KIF6: variants seen among roughly 807,000 people sequenced by gnomAD.
KIF6 encodes kinesin-like protein KIF6.
A neutral mutation model predicts 112.7 loss-of-function variants in KIF6; 106 were observed. That is an observed-to-expected ratio of 0.94 (90% CI 0.80 to 1.11). The LOEUF is 1.11. KIF6 is among the 50% of genes least tolerant of loss of function. The pLI is 0.00. For missense variants in KIF6, 929 were observed against 964.0 expected, an observed-to-expected ratio of 0.96 and a Z score of 0.48; for synonymous variants, 339 against 339.9, an observed-to-expected ratio of 1.00 and a Z score of 0.03.
intron 3 of KIF6, among the ~76,000 whole-genome samples, chr6:39,711,101 AT>A (rs962285946): frequency 1.2e-4 from 18 of 150,358 alleles, no homozygotes; most frequent in African/African-American, 4.1e-4. Context: ...AAAAGAAAGA[AT>A]TTTTTTTAAT....
intron 13 of KIF6, among the ~76,000 whole-genome samples, chr6:39,466,271 C>T (rs1164306147): frequency 6.6e-6 from 1 of 152,164 alleles, no homozygotes; most frequent in Non-Finnish European, 1.5e-5. Flanking sequence ...TTCCTTCAAA[C>T]ACCGGCTGCC....
chr6:39,371,054 T>C (rs969636792), intron 16 of KIF6, among the ~76,000 whole-genome samples: 2 of 152,292 alleles, frequency 1.3e-5, no homozygotes. Flanking sequence ...AAAAAAGCCC[T>C]GATTTTCAGT....
At chr6:39,589,624 T>A (rs564193196) in intron 7 of KIF6, among the ~76,000 whole-genome samples, 2 of 151,976 alleles carry the variant, frequency 1.3e-5, no homozygotes, top group Non-Finnish European at 2.9e-5. Context: ...CTATGTGGGG[T>A]TTGGAGGTGA....
At chr6:39,697,541 C>CTTTTTT (rs35838361) in intron 3 of KIF6, among the ~76,000 whole-genome samples, 2 of 131,478 alleles carry the variant, frequency 1.5e-5, no homozygotes, top group African/African-American at 2.8e-5. Flanking sequence ...TTTATCCTTT[C>CTTTTTT]TTTTTTTTTT....
chr6:39,586,630 T>C (rs1214212065), intron 7 of KIF6, among the ~76,000 whole-genome samples: 1 of 152,222 alleles, frequency 6.6e-6, no homozygotes, highest in Non-Finnish European at 1.5e-5. Flanking sequence ...GTGAGCCCCA[T>C]AATTTTTGGA....
intron 5 of KIF6, among the ~76,000 whole-genome samples, chr6:39,626,091 C>A (rs1298176518): frequency 6.6e-6 from 1 of 152,112 alleles, no homozygotes; most frequent in Non-Finnish European, 1.5e-5. Context: ...AGGTTGGAGA[C>A]CATAATGTGG....
chr6:39,463,941 G>A (rs754546773), intron 13 of KIF6, among the ~76,000 whole-genome samples: 2 of 152,036 alleles, frequency 1.3e-5, no homozygotes, highest in East Asian at 1.9e-4. Flanking sequence ...AATTTACCTC[G>A]GGTAATCTCC....
chr6:39,407,077 C>G (rs961999438), intron 15 of KIF6, among the ~76,000 whole-genome samples: 15 of 152,078 alleles, frequency 9.9e-5, no homozygotes, highest in Admixed American at 9.8e-4. Context: ...TGGATCATAT[C>G]CAGAACATGT....
intron 21 of KIF6, among the ~76,000 whole-genome samples, chr6:39,345,055 A>G (rs536690719): frequency 6.6e-6 from 1 of 152,312 alleles, no homozygotes; most frequent in East Asian, 1.9e-4. Flanking sequence ...AGAGCAGTAC[A>G]CTTGCCTGGC....
intron 13 of KIF6, among the ~76,000 whole-genome samples, chr6:39,449,412 A>C (rs57013484): frequency 0.15 from 23,186 of 152,134 alleles, 2,291 homozygotes; most frequent in African/African-American, 0.27. Flanking sequence ...TCAGCTGCTC[A>C]ACTATGGAAG....
intron 13 of KIF6, among the ~76,000 whole-genome samples, chr6:39,520,599 G>T (rs1241015638): frequency 1.3e-5 from 2 of 152,242 alleles, no homozygotes; most frequent in Admixed American, 6.5e-5. Context: ...GAATCAGAAA[G>T]TGAGGAACCA....
At chr6:39,696,206 G>A (rs1788528042) in intron 3 of KIF6, among the ~76,000 whole-genome samples, 3 of 152,098 alleles carry the variant, frequency 2.0e-5, no homozygotes, top group East Asian at 3.9e-4. Flanking sequence ...TTCACTGCTT[G>A]GGCAATGGAA....
At chr6:39,423,072 C>T (rs144959016) in intron 14 of KIF6, among the ~76,000 whole-genome samples, 3 of 152,300 alleles carry the variant, frequency 2.0e-5, no homozygotes, top group East Asian at 1.9e-4. Context: ...ATTAGGGCGT[C>T]GTTAGTTGTG....
At chr6:39,508,564 G>A (rs1004498401) in intron 13 of KIF6, among the ~76,000 whole-genome samples, 6 of 152,238 alleles carry the variant, frequency 3.9e-5, no homozygotes, top group South Asian at 2.1e-4. Context: ...ATTCCCTCCC[G>A]TGGCTGGCTC....
At chr6:39,594,748 A>C (rs529322146) in intron 7 of KIF6, among the ~76,000 whole-genome samples, 29 of 152,258 alleles carry the variant, frequency 1.9e-4, no homozygotes, top group Admixed American at 6.5e-4. Flanking sequence ...TTTCCCCTCT[A>C]ATCTTTTAGC....
At chr6:39,692,675 T>C (rs1179053182) in intron 3 of KIF6, among the ~76,000 whole-genome samples, 4 of 152,224 alleles carry the variant, frequency 2.6e-5, no homozygotes, top group Non-Finnish European at 5.9e-5. Context: ...CTCCATTCAT[T>C]ACTTATTTTG....
intron 3 of KIF6, among the ~76,000 whole-genome samples, chr6:39,655,448 A>G (rs1041038690): frequency 1.3e-5 from 2 of 151,978 alleles, no homozygotes; most frequent in African/African-American, 2.4e-5. Context: ...TTGTCCAAAA[A>G]TTTTATTTTA....
intron 13 of KIF6, among the ~76,000 whole-genome samples, chr6:39,493,281 C>T (rs1229679676): frequency 6.6e-6 from 1 of 152,164 alleles, no homozygotes; most frequent in Non-Finnish European, 1.5e-5. Context: ...CTTCATTTTA[C>T]AGATGAGGAC....
chr6:39,628,550 T>C (rs1039943376), intron 5 of KIF6, among the ~76,000 whole-genome samples: 1 of 152,122 alleles, frequency 6.6e-6, no homozygotes, highest in Non-Finnish European at 1.5e-5. Context: ...TCCACTAATC[T>C]GTTCACCAAT....
Sources: allele counts gnomAD v4.1 joint callset (sites outside exome capture counted in the v4.1 genomes callset), GRCh38; gene constraint gnomAD v4.1.1; transcripts MANE v1.5; gene names NCBI Gene and HGNC (gene_info 2026-07-23, HGNC 2026-07-21).